KIF26B: variants seen among roughly 807,000 people sequenced by gnomAD.
KIF26B encodes the protein kinesin-like protein KIF26B.
In KIF26B, 63 loss-of-function variants were observed where a neutral mutation model predicts 151.2. The ratio of observed to expected loss-of-function variants is 0.42; its 90% CI spans 0.34 to 0.51. The LOEUF is 0.51. Ranked by LOEUF, KIF26B falls within the 20% of genes least tolerant of loss-of-function variation. KIF26B has a pLI of 0.07. For synonymous variants in KIF26B, 1,357 were observed against 1,262.1 expected (o/e 1.08, Z -1.59); for missense variants, 2,813 against 2,913.6 (o/e 0.97, Z 0.79).
chr1:245,594,004 C>G (rs2043316435), intron 5 of KIF26B, among the ~76,000 whole-genome samples: 2 of 152,118 alleles, frequency 1.3e-5, no homozygotes, highest in African/African-American at 4.8e-5. Context: ...CCTTCTCCCG[C>G]TTTTTGATGG....
chr1:245,335,142 C>T (rs1430497808), intron 2 of KIF26B, among the ~76,000 whole-genome samples: 1 of 152,176 alleles, frequency 6.6e-6, no homozygotes, highest in African/African-American at 2.4e-5. Flanking sequence ...TGTCTGTCTG[C>T]TCTCTGGATT....
At chr1:245,496,634 A>G (rs982756764) in intron 4 of KIF26B, among the ~76,000 whole-genome samples, 8 of 152,186 alleles carry the variant, frequency 5.3e-5, no homozygotes, top group African/African-American at 1.9e-4. Flanking sequence ...AGGAAAGAGA[A>G]CATAAACTAG....
At chr1:245,498,876 A>T (rs1402762967) in intron 4 of KIF26B, among the ~76,000 whole-genome samples, 1 of 152,190 alleles carries the variant, frequency 6.6e-6, no homozygotes, top group Non-Finnish European at 1.5e-5. Context: ...ACGGGTTCAC[A>T]TTCTTCTTGC....
Position 245,688,255 on chromosome 1 carries a change from T to C in KIF26B, c.5272T>C (p.Phe1758Leu), listed in dbSNP as rs757545115. The change falls in exon 12 of 15, where the codon TTC becomes CTC. Residue 1758 changes from phenylalanine (F) to leucine (L), a missense_variant. Physicochemically the swap from Phe to Leu is conservative, Grantham distance 22. Transcript: ENST00000407071. ...CGCCTCCACCACCAAAACCCTCAGC[T>C]TCTCCACCAAGTCCCTGCCGCAGGC... ...PSASTTKTLS[F>L]STKSLPQAVG... The C allele has an allele frequency of 1.3e-6, 2 of 1,594,036 alleles. No homozygotes were observed. Among genetic ancestry groups the C allele is most frequent in the South Asian group, 1.1e-5 (1 of 90,668 alleles).
At chr1:245,380,543 A>T (rs1673382646) in intron 3 of KIF26B, among the ~76,000 whole-genome samples, 1 of 152,190 alleles carries the variant, frequency 6.6e-6, no homozygotes. Context: ...CATGGTTGGA[A>T]GCAAGACTAG....
intron 3 of KIF26B, among the ~76,000 whole-genome samples, chr1:245,388,396 C>T (rs1673604601): frequency 6.6e-6 from 1 of 152,134 alleles, no homozygotes; most frequent in African/African-American, 2.4e-5. Context: ...CTTTTAATTC[C>T]TGAAGCAAAA....
At chr1:245,208,368 C>T (rs1669448343) in intron 2 of KIF26B, among the ~76,000 whole-genome samples, 1 of 152,124 alleles carries the variant, frequency 6.6e-6, no homozygotes, top group Admixed American at 6.5e-5. Context: ...AACACCAGGC[C>T]CTTGTGTTCT....
chr1:245,687,765 G>T lies in KIF26B; in HGVS notation c.4782G>T (p.Gly1594=), dbSNP rs2044552216. The change falls in exon 12 of 15, where the codon GGG becomes GGT. Residue 1594 remains glycine, a synonymous_variant. Transcript: ENST00000407071. This position sits in a 1 kb window ranked among gnomAD's most constrained non-coding sequence, Gnocchi z 4.9. ...ACTGTGTTCTGGCTCGGCCCAAAGG[G>T]ACTCCCCCTCTGCCCCCTGTCCGAA... ...PKHCVLARPK[G]TPPLPPVRKS... 1 of 1,581,302 alleles carries T rather than the reference G, an allele frequency of 6.3e-7. No homozygotes were observed. Among genetic ancestry groups the T allele is most frequent in the Non-Finnish European group, 8.6e-7 (1 of 1,164,282 alleles).
At chr1:245,363,167 G>A (rs1672862265) in intron 2 of KIF26B, among the ~76,000 whole-genome samples, 2 of 152,268 alleles carry the variant, frequency 1.3e-5, no homozygotes, top group South Asian at 2.1e-4. Flanking sequence ...GGTATAATTC[G>A]AGGCATCTAT....
chr1:245,344,494 CAAAAAAAAAAAA>C lies in KIF26B; in HGVS notation c.466-22324_466-22313del, dbSNP rs57007301. Among the ~76,000 whole-genome samples, 137 of 40,022 alleles carry C rather than the reference CAAAAAAAAAAAA, an allele frequency of 3.4e-3. 2 individuals carry two copies. Among genetic ancestry groups the C allele is most frequent in the South Asian group, 9.7e-3 (7 of 720 alleles). The allele number at this position is 40,022 out of a possible 152,430, so 26.3% of individuals were successfully genotyped here. On this transcript the variant is annotated intron_variant, in intron 2 of 14. Coordinates refer to ENST00000407071, the MANE Select transcript of KIF26B (RefSeq NM_018012.4). ...TGGGTGACTGAGCTAGACTCCGTCT[CAAAAAAAAAAAA>C]AAAAAAAAAAAAAAAGGAAATGTAT...
At chr1:245,584,693 G>A (rs2043206527) in intron 5 of KIF26B, among the ~76,000 whole-genome samples, 1 of 152,118 alleles carries the variant, frequency 6.6e-6, no homozygotes, top group Non-Finnish European at 1.5e-5. Context: ...TTCTATCGCG[G>A]GCAGTTTATG....
chr1:245,431,769 G>A (rs145883636), intron 4 of KIF26B, among the ~76,000 whole-genome samples: 1 of 152,174 alleles, frequency 6.6e-6, no homozygotes, highest in Admixed American at 6.5e-5. Context: ...GAGCCACTGC[G>A]CCTGGCCTGA....
Position 245,597,497 on chromosome 1 carries a change from G to A in KIF26B, c.1351-5080G>A, listed in dbSNP as rs1050151962. Among the ~76,000 whole-genome samples the A allele has an allele frequency of 1.3e-5, 2 of 152,178 alleles. No individual in the cohort carries two copies. The highest frequency in any genetic ancestry group is 4.8e-5 in the African/African-American group (2 of 41,440). On this transcript the variant is annotated intron_variant, in intron 5 of 14. Transcript: ENST00000407071. This position sits in a 1 kb window ranked among gnomAD's most constrained non-coding sequence, Gnocchi z 4.6. ...TAGGGTTTCTGCAGAGAGATCTGCT[G>A]TTAGTCTAGGGAAGATGGGCTTCCC...
rs1157634485 is a variant in KIF26B, at chr1:245,287,494, C to CTTTTTTTTTTTTTTTTT, written c.466-79339_466-79338insTTTTTTTTTTTTTTTTT. On this transcript the variant is annotated intron_variant, in intron 2 of 14. Transcript: ENST00000407071. ...GGGTCCCTGTGTGTCTCATCTCTCT[C>CTTTTTTTTTTTTTTTTT]TCTCTTTTTTTTTTTTTTTTTTTCC... Among the ~76,000 whole-genome samples, 5 of 113,172 alleles carry CTTTTTTTTTTTTTTTTT rather than the reference C, an allele frequency of 4.4e-5. 2 individuals are homozygous for CTTTTTTTTTTTTTTTTT. Among genetic ancestry groups the CTTTTTTTTTTTTTTTTT allele is most frequent in the African/African-American group, 8.4e-5 (2 of 23,844 alleles). The allele number at this position is 113,172 out of a possible 152,430, so 74.2% of individuals were successfully genotyped here.
chr1:245,492,110 C>T (rs1240892259), intron 4 of KIF26B, among the ~76,000 whole-genome samples: 1 of 152,186 alleles, frequency 6.6e-6, no homozygotes, highest in Non-Finnish European at 1.5e-5. Context: ...CAGGCCCTTC[C>T]TGATGTCTGC....
chr1:245,314,185 C>A (rs1429266606), intron 2 of KIF26B, among the ~76,000 whole-genome samples: 1 of 152,146 alleles, frequency 6.6e-6, no homozygotes, highest in East Asian at 1.9e-4. Flanking sequence ...CGGTGACTCA[C>A]ACTTGTAATC....
At chr1:245,179,707 A>G (rs1376619367) in intron 2 of KIF26B, among the ~76,000 whole-genome samples, 1 of 152,220 alleles carries the variant, frequency 6.6e-6, no homozygotes, top group African/African-American at 2.4e-5. Context: ...TGTGTAAACA[A>G]GCAAACAACT....
intron 4 of KIF26B, among the ~76,000 whole-genome samples, chr1:245,444,615 G>A (rs544832840): frequency 6.6e-6 from 1 of 152,346 alleles, no homozygotes; most frequent in Admixed American, 6.5e-5. Context: ...GCCTTTGATT[G>A]ATGAGCCACC....
chr1:245,707,103 G>A lies in KIF26B; in HGVS notation c.*4497G>A, dbSNP rs755136607. 6.6e-6 allele frequency: 1 copy of A among 152,104 alleles called. No homozygotes were observed. The highest frequency in any genetic ancestry group is 1.5e-5 in the Non-Finnish European group (1 of 68,034). 9.4% of individuals were successfully genotyped at this position (152,104 alleles called of 1,614,324 possible). A position where few individuals can be genotyped will look rare whatever the true frequency, so the allele number is the denominator to read the frequency against. The stretch of plus-strand genomic sequence containing the variant: ...TCCGGGAGAAGATACTGTCATTTAA[G>A]CTCATCTTCTCAAAAAAATTTTTTC... On this transcript the variant is annotated 3_prime_UTR_variant, in exon 15 of 15. Transcript: ENST00000407071.
Sources: gnomAD v4.1 joint callset for allele counts (sites outside exome capture counted in the v4.1 genomes callset) on GRCh38, gnomAD v4.1.1 for gene constraint, Gnocchi (gnomAD v3.1) non-coding constraint, MANE v1.5 for transcripts, NCBI Gene and HGNC (gene_info 2026-07-23, HGNC 2026-07-21) for gene names.